ST3GAL5: variants seen among roughly 807,000 people sequenced by gnomAD.
ST3GAL5 encodes the protein lactosylceramide alpha-2,3-sialyltransferase.
A neutral mutation model predicts 46.1 loss-of-function variants in ST3GAL5; 25 were observed. The observed-to-expected ratio is 0.54, with a 90% CI of 0.40 to 0.76. The LOEUF is 0.76. Among genes scored for constraint, ST3GAL5 ranks in the 30% least tolerant of loss-of-function variants. The probability of loss-of-function intolerance (pLI) is 0.00; values close to 1 mark genes in which losing one functional copy is unlikely to be tolerated. For synonymous variants in ST3GAL5, 182 were observed against 192.7 expected (o/e 0.94, Z 0.46); for missense variants, 431 against 521.2 (o/e 0.83, Z 1.69).
At position 85,846,505 on chromosome 2, in the gene ST3GAL5, T is replaced by G. The variant is rs1682810065; in HGVS notation, c.721A>C (p.Arg241=). The stretch of plus-strand genomic sequence containing the variant: ...GGTGCGCCCTCTGGATAAGTCATCC[T>G]TATAGTAGTTTTATTTCCAACATGT... ...SEHVGNKTTI[R]MTYPEGAPLS... Residue 241 remains arginine, a synonymous_variant, in exon 5 of 7, where the codon AGG becomes CGG. Coordinates refer to ENST00000638572, the MANE Select transcript of ST3GAL5 (RefSeq NM_003896.4). The G allele has an allele frequency of 6.2e-7, 1 of 1,614,218 alleles. No individual in the cohort carries two copies. The highest frequency in any genetic ancestry group is 8.5e-7 in the Non-Finnish European group (1 of 1,180,024).
chr2:85,860,097 G>C (rs999083628), intron 3 of ST3GAL5, among the ~76,000 whole-genome samples: 1 of 152,172 alleles, frequency 6.6e-6, no homozygotes, highest in Non-Finnish European at 1.5e-5. Flanking sequence ...CAGTTTCCCT[G>C]CCTGTGAGAT....
At chr2:85,860,620 C>A (rs1052007005) in intron 3 of ST3GAL5, among the ~76,000 whole-genome samples, 2 of 152,100 alleles carry the variant, frequency 1.3e-5, no homozygotes, top group African/African-American at 4.8e-5. Context: ...TGTCTGTAAT[C>A]CCCGACCTTT....
chr2:85,851,335 T>A (rs1683479523), intron 3 of ST3GAL5: 1 of 1,168,398 alleles, frequency 8.6e-7, no homozygotes, highest in Admixed American at 3.7e-5. Flanking sequence ...AGTTTCTACA[T>A]GTCCTGGCAA....
At chr2:85,841,491 G>T (rs1481554481) in intron 6 of ST3GAL5, among the ~76,000 whole-genome samples, 1 of 151,952 alleles carries the variant, frequency 6.6e-6, no homozygotes, top group Non-Finnish European at 1.5e-5. Context: ...GTGCCACCAT[G>T]CCCAGCTACT....
chr2:85,877,358 C>G (rs1249620865), intron 1 of ST3GAL5, among the ~76,000 whole-genome samples: 1 of 152,228 alleles, frequency 6.6e-6, no homozygotes, highest in Non-Finnish European at 1.5e-5. Flanking sequence ...CTTTAGCCTT[C>G]TTTAATCTGA....
rs1683022718 is a variant in ST3GAL5, at chr2:85,848,041, G to A, written c.482C>T (p.Pro161Leu). The A allele has an allele frequency of 6.2e-7, 1 of 1,614,154 alleles. No individual in the cohort carries two copies. The highest frequency in any genetic ancestry group is 1.6e-4 in the Middle Eastern group (1 of 6,062). Residue 161 changes from proline (P) to leucine (L), a missense_variant, in exon 4 of 7, where the codon CCT becomes CTT. Pro to Leu is a moderately conservative substitution (Grantham distance 98, BLOSUM62 -3). Transcript: ENST00000638572. Reference protein sequence around the residue: ...DSEAESKYDPPFGFRKFSSKV... With the variant: ...DSEAESKYDPLFGFRKFSSKV... ...ACTGGAGAACTTCCGGAACCCAAAA[G>A]GAGGATCGTACTTGGACTCAGCTTC...
chr2:85,860,624 G>A (rs1004285064), intron 3 of ST3GAL5, among the ~76,000 whole-genome samples: 20 of 152,088 alleles, frequency 1.3e-4, no homozygotes, highest in African/African-American at 4.1e-4. Flanking sequence ...TGTAATCCCC[G>A]ACCTTTGGGA....
At position 85,840,106 on chromosome 2, in the gene ST3GAL5, AG is replaced by A. The variant is rs1459180823; in HGVS notation, c.*37del. 6.8e-6 allele frequency: 11 copies of A among 1,613,992 alleles called. No individual in the cohort carries two copies. The highest frequency in any genetic ancestry group is 9.3e-6 in the Non-Finnish European group (11 of 1,179,976). On this transcript the variant is annotated 3_prime_UTR_variant, in exon 7 of 7. Transcript: ENST00000638572. ...AAGAAGGCTGTCAAAAACAGCTCTC[AG>A]AGTTAGAGTTGCATTTTCAACTGAG...
At chr2:85,864,067 G>T (rs1223185276) in intron 1 of ST3GAL5, among the ~76,000 whole-genome samples, 1 of 152,156 alleles carries the variant, frequency 6.6e-6, no homozygotes, top group Admixed American at 6.5e-5. Flanking sequence ...GTGAGTGTCA[G>T]GGGTTGTGGA....
chr2:85,840,071 G>A lies in ST3GAL5; in HGVS notation c.*73C>T, dbSNP rs1681825330. 6.2e-7 allele frequency: 1 copy of A among 1,608,230 alleles called. No individual in the cohort carries two copies. Among genetic ancestry groups the A allele is most frequent in the South Asian group, 1.1e-5 (1 of 90,652 alleles). ...CACTTCAAAGTATCTGCAGGATGGA[G>A]AAATACATCAAGAAGGCTGTCAAAA... On this transcript the variant is annotated 3_prime_UTR_variant, in exon 7 of 7. Coordinates refer to ENST00000638572, the MANE Select transcript of ST3GAL5 (RefSeq NM_003896.4).
chr2:85,864,602 G>A lies in ST3GAL5; in HGVS notation c.83-1117C>T, dbSNP rs201476052. Among the ~76,000 whole-genome samples, 4 of 140,322 alleles carry A rather than the reference G, an allele frequency of 2.9e-5. No individual in the cohort carries two copies. The South Asian group carries it at 9.4e-4, about 33-fold the overall frequency. The allele number at this position is 140,322 out of a possible 152,430, so 92.1% of individuals were successfully genotyped here. ...TTACATCAAAAAAAAAAAAGAAAAA[G>A]AGAGAATATGGCAATTTAAAAACAC... is the stretch of plus-strand genomic sequence containing the variant. On this transcript the variant is annotated intron_variant, in intron 1 of 6. Transcript: ENST00000638572.
intron 4 of ST3GAL5, chr2:85,846,824 G>T: frequency 2.5e-6 from 1 of 407,916 alleles, no homozygotes; most frequent in Non-Finnish European, 4.4e-6. Context: ...CTCAATCTAA[G>T]CATATTACAT....
intron 6 of ST3GAL5, among the ~76,000 whole-genome samples, chr2:85,843,708 C>T (rs1026494293): frequency 2.6e-5 from 4 of 152,164 alleles, no homozygotes; most frequent in Non-Finnish European, 4.4e-5. Context: ...CAAGAAGCCG[C>T]AAGTAATAAA....
intron 3 of ST3GAL5, chr2:85,852,906 G>A: frequency 1.5e-6 from 2 of 1,304,220 alleles, no homozygotes; most frequent in Non-Finnish European, 2.0e-6. Context: ...GCAGCACTAA[G>A]GAGAGAAAAG....
chr2:85,861,293 C>G lies in ST3GAL5; in HGVS notation c.207-1G>C. ...CACTCCAAACACAAGCAATGTACAT[C>G]TGGAAAAAAATCAATTAGGTATTAT... On this transcript the variant is annotated splice_acceptor_variant, in intron 2 of 6. Transcript: ENST00000638572. LOFTEE classifies it high-confidence loss of function. 6.3e-7 allele frequency: 1 copy of G among 1,590,016 alleles called. No individual in the cohort carries two copies. Among genetic ancestry groups the G allele is most frequent in the Non-Finnish European group, 8.6e-7 (1 of 1,158,476 alleles).
chr2:85,862,078 A>G (rs1471884698), intron 2 of ST3GAL5, among the ~76,000 whole-genome samples: 1 of 152,122 alleles, frequency 6.6e-6, no homozygotes, highest in African/African-American at 2.4e-5. Flanking sequence ...TATATTATAC[A>G]TAATAGATGC....
intron 3 of ST3GAL5, among the ~76,000 whole-genome samples, chr2:85,859,318 C>G (rs568523658): frequency 6.6e-6 from 1 of 152,238 alleles, no homozygotes; most frequent in Middle Eastern, 3.4e-3. Flanking sequence ...CATCAGTAAG[C>G]CATACCAAGT....
chr2:85,866,357 C>T (rs1685288903), intron 1 of ST3GAL5, among the ~76,000 whole-genome samples: 1 of 152,222 alleles, frequency 6.6e-6, no homozygotes, highest in South Asian at 2.1e-4. Flanking sequence ...CTGAATTTTT[C>T]CTGTTCACTA....
At chr2:85,869,299 C>A (rs991336602) in intron 1 of ST3GAL5, among the ~76,000 whole-genome samples, 1 of 152,168 alleles carries the variant, frequency 6.6e-6, no homozygotes, top group South Asian at 2.1e-4. Context: ...TCCCGCCTCA[C>A]CTCCCAAAGT....
Sources: allele counts gnomAD v4.1 joint callset (sites outside exome capture counted in the v4.1 genomes callset), GRCh38; gene constraint gnomAD v4.1.1; transcripts MANE v1.5; gene names NCBI Gene and HGNC (gene_info 2026-07-23, HGNC 2026-07-21).